The following MTMR4 variants were observed in gnomAD, a reference collection of about 807,000 sequenced individuals.
MTMR4 encodes phosphatidylinositol-3,5-bisphosphate 3-phosphatase MTMR4.
Under a neutral mutation model 125.5 loss-of-function variants are expected in MTMR4, and 30 were observed. That is an observed-to-expected ratio of 0.24 (90% confidence interval 0.18 to 0.32). The LOEUF (loss-of-function observed/expected upper bound fraction) is 0.32. Ranked by LOEUF, MTMR4 falls within the 10% of genes least tolerant of loss-of-function variation. MTMR4 has a pLI of 1.00. For synonymous variants in MTMR4, 498 were observed against 564.5 expected (o/e 0.88, Z 1.67); for missense variants, 1,039 against 1,511.5 (o/e 0.69, Z 5.18).
At chr17:58,511,339 T>G in intron 4 of MTMR4, 90 bp downstream of exon 4, 1 of 1,162,824 alleles carries the variant, frequency 8.6e-7, no homozygotes, top group South Asian at 1.5e-5. Context: ...AGGCAGGATC[T>G]TTCCTCTCTT....
In MTMR4 at chr17:58,496,289, C is replaced by T. The variant is rs2143853362; in HGVS notation, c.1895G>A (p.Cys632Tyr). ...TRSMDDLLSA[C>Y]DTSSPLTRTS... ...ACGAGTCAGGGGGCTGCTTGTGTCA[C>T]AGGCAGAAAGAAGATCATCCATGGA... Residue 632 changes from cysteine (C) to tyrosine (Y), a missense_variant, in exon 15 of 18, where the codon TGT becomes TAT. Transcript: ENST00000682306. 1 of 1,612,670 alleles carries T rather than the reference C, an allele frequency of 6.2e-7. No individual in the cohort carries two copies. The highest frequency in any genetic ancestry group is 8.5e-7 in the Non-Finnish European group (1 of 1,179,406).
At chr17:58,518,081 C>A (rs970460161), upstream of MTMR4, among the ~76,000 whole-genome samples, 1 of 152,218 alleles carries the variant, frequency 6.6e-6, no homozygotes, top group Non-Finnish European at 1.5e-5. Context: ...TGCCTAAAGA[C>A]GAGACTATAC....
At chr17:58,502,243 A>AC (rs920410889) in intron 14 of MTMR4, among the ~76,000 whole-genome samples, 7 of 145,074 alleles carry the variant, frequency 4.8e-5, no homozygotes, top group African/African-American at 1.5e-4. Flanking sequence ...TGCAATCTCC[A>AC]CCCCCCCAGA....
chr17:58,492,363 G>GT, intron 17 of MTMR4, 148 bp downstream of exon 17: 1 of 677,442 alleles, frequency 1.5e-6, no homozygotes, highest in Non-Finnish European at 2.5e-6. Flanking sequence ...GTGGAGACAG[G>GT]TTTTACCATG....
At chr17:58,497,683 A>AT (rs1257258631) in intron 14 of MTMR4, among the ~76,000 whole-genome samples, 1 of 152,160 alleles carries the variant, frequency 6.6e-6, no homozygotes, top group Non-Finnish European at 1.5e-5. Flanking sequence ...CCAGGGGCAA[A>AT]TGACTTGAGA....
intron 14 of MTMR4, among the ~76,000 whole-genome samples, chr17:58,499,603 C>T (rs1442269558): frequency 1.3e-5 from 2 of 151,958 alleles, no homozygotes; most frequent in East Asian, 3.9e-4. Context: ...GCTCACAACT[C>T]CCTTTATTTC....
rs749550503 is a variant in MTMR4, at chr17:58,495,236, T to C, written c.2948A>G (p.Asn983Ser). 31 of 1,614,108 alleles carry C rather than the reference T, an allele frequency of 1.9e-5. No individual in the cohort carries two copies. Among genetic ancestry groups the C allele is most frequent in the Admixed American group, 1.8e-4 (11 of 60,010 alleles). ...VKSPVCSSHSNGHCTGPGGKN... is the reference protein window; with the variant it reads ...VKSPVCSSHSSGHCTGPGGKN... The stretch of plus-strand genomic sequence containing the variant: ...TCCTCCTGGGCCAGTACAATGTCCA[T>C]TGGAATGACTAGAACAGACAGGTGA... The change falls in exon 15 of 18, where the codon AAT becomes AGT. Residue 983 changes from asparagine (N) to serine (S), a missense_variant. This residue lies in a region of MTMR4 where 619 missense variants were observed against 714.5 expected (regional missense o/e 0.87). Coordinates refer to ENST00000682306, the MANE Select transcript of MTMR4 (RefSeq NM_001378067.1).
chr17:58,490,895 A>G lies in MTMR4; in HGVS notation c.*768T>C, dbSNP rs909185432. Reference sequence around the variant, plus strand: ...TTTCCCTTCTCATTCTTCACAGTGCATAACTCAAGAGCTGCCACTGTGTAA... The same window carrying G: ...TTTCCCTTCTCATTCTTCACAGTGCGTAACTCAAGAGCTGCCACTGTGTAA... On this transcript the variant is annotated 3_prime_UTR_variant, in exon 18 of 18. Coordinates refer to ENST00000682306, the MANE Select transcript of MTMR4 (RefSeq NM_001378067.1). The G allele has an allele frequency of 1.3e-5, 2 of 152,678 alleles. No individual in the cohort carries two copies. Among genetic ancestry groups the G allele is most frequent in the South Asian group, 2.1e-4 (1 of 4,834 alleles). 9.5% of individuals were successfully genotyped at this position (152,678 alleles called of 1,614,324 possible). A position where few individuals can be genotyped will look rare whatever the true frequency, so the allele number is the denominator to read the frequency against.
chr17:58,517,633 C>A (rs976326660), upstream of MTMR4, among the ~76,000 whole-genome samples: 1 of 152,202 alleles, frequency 6.6e-6, no homozygotes, highest in South Asian at 2.1e-4. Flanking sequence ...TCCCAGGGGG[C>A]GGGCCAGGTT....
At chr17:58,505,393 C>A in intron 10 of MTMR4, 79 bp downstream of exon 10, 2 of 1,271,268 alleles carry the variant, frequency 1.6e-6, no homozygotes. Context: ...AACTTCTCAT[C>A]TCCCCATCTA....
At position 58,490,104 on chromosome 17, in the gene MTMR4, C is replaced by T. The variant is rs1396000824; in HGVS notation, c.*1559G>A. 2 of 152,502 alleles carry T rather than the reference C, an allele frequency of 1.3e-5. No homozygotes were observed. The highest frequency in any genetic ancestry group is 2.9e-5 in the Non-Finnish European group (2 of 68,036). 9.4% of individuals were successfully genotyped at this position (152,502 alleles called of 1,614,324 possible). On this transcript the variant is annotated 3_prime_UTR_variant, in exon 18 of 18. Coordinates refer to ENST00000682306, the MANE Select transcript of MTMR4 (RefSeq NM_001378067.1). ...GAACCACAGATGCGTCTCTGTAGGA[C>T]TGAAAAGGTCAGGACAAATAATGAT... is the stretch of plus-strand genomic sequence containing the variant.
chr17:58,505,733 C>A (rs1975763499), intron 9 of MTMR4, 150 bp from the exon 10 acceptor site: 67 of 455,538 alleles, frequency 1.5e-4, no homozygotes, highest in Admixed American at 1.1e-3. Flanking sequence ...CACAGTGAAA[C>A]CCCATCTCTA....
chr17:58,518,471 T>A (rs548596824), upstream of MTMR4, among the ~76,000 whole-genome samples: 45 of 152,270 alleles, frequency 3.0e-4, no homozygotes, highest in East Asian at 8.5e-3. Context: ...CATCTCCGAC[T>A]GGCGGCGCTA....
intron 4 of MTMR4, among the ~76,000 whole-genome samples, chr17:58,509,530 C>T (rs539184364): frequency 1.5e-4 from 23 of 151,230 alleles, no homozygotes; most frequent in African/African-American, 5.1e-4. Context: ...GCAATCCTCA[C>T]AAATCAGTCC....
chr17:58,508,282 G>A lies in MTMR4; in HGVS notation c.594-8C>T. On this transcript the variant is annotated splice_polypyrimidine_tract_variant and splice_region_variant and intron_variant, in intron 6 of 17. Transcript: ENST00000682306. This position sits in a 1 kb window ranked among gnomAD's most constrained non-coding sequence, Gnocchi z 4.8. ...GGGTAACTGGGGCACAATCTGAGAA[G>A]AGACCAGGTGGGGGTCACTGCACTG... The A allele has an allele frequency of 1.2e-6, 2 of 1,612,322 alleles. No individual in the cohort carries two copies. Among genetic ancestry groups the A allele is most frequent in the Non-Finnish European group, 1.7e-6 (2 of 1,178,376 alleles).
At chr17:58,500,096 AAAACAC>A (rs1369937012) in intron 14 of MTMR4, among the ~76,000 whole-genome samples, 1 of 152,138 alleles carries the variant, frequency 6.6e-6, no homozygotes. Flanking sequence ...ACCCTTTTAA[AAAACAC>A]ATCATTTCTC....
Position 58,508,226 on chromosome 17 carries a change from A to G in MTMR4, c.642T>C (p.Thr214=). The stretch of plus-strand genomic sequence containing the variant: ...AAGCCACGTTCTCCAGCTCTTTGTC[A>G]GTGATCCACACAGGAACCAGCAGCT... ...PQKLLVPVWI[T]DKELENVASF... The change falls in exon 7 of 18, where the codon ACT becomes ACC. Residue 214 remains threonine, a synonymous_variant. Coordinates refer to ENST00000682306, the MANE Select transcript of MTMR4 (RefSeq NM_001378067.1). This position sits in a 1 kb window ranked among gnomAD's most constrained non-coding sequence, Gnocchi z 4.8. 6.2e-7 allele frequency: 1 copy of G among 1,613,970 alleles called. No individual in the cohort carries two copies. Among genetic ancestry groups the G allele is most frequent in the Non-Finnish European group, 8.5e-7 (1 of 1,180,010 alleles).
intron 15 of MTMR4, among the ~76,000 whole-genome samples, chr17:58,493,509 T>C (rs573505992): frequency 2.6e-5 from 4 of 152,330 alleles, no homozygotes; most frequent in African/African-American, 7.2e-5. Context: ...TCCACCACCA[T>C]GTCCAGCTAA....
At chr17:58,505,228 C>T (rs1975745308) in intron 10 of MTMR4, among the ~76,000 whole-genome samples, 1 of 152,210 alleles carries the variant, frequency 6.6e-6, no homozygotes, top group Non-Finnish European at 1.5e-5. Context: ...TTCCTCTCCC[C>T]AGTTCTCTGT....
Sources: allele counts gnomAD v4.1 joint callset (sites outside exome capture counted in the v4.1 genomes callset), GRCh38; gene constraint gnomAD v4.1.1; regional missense constraint gnomAD v4.1.1; non-coding constraint Gnocchi (gnomAD v3.1); transcripts MANE v1.5; gene names NCBI Gene and HGNC (gene_info 2026-07-23, HGNC 2026-07-21).